Variants in N4BP2 observed in about 807,000 individuals in gnomAD.
N4BP2 encodes the protein NEDD4 binding protein 2.
N4BP2 carries 91 observed loss-of-function variants against 152.8 expected under a neutral mutation model. The ratio of observed to expected loss-of-function variants is 0.60; its 90% CI spans 0.50 to 0.71. The LOEUF is 0.71. Among genes scored for constraint, N4BP2 ranks in the 30% least tolerant of loss-of-function variants. N4BP2 has a pLI of 0.00. For missense variants in N4BP2, 1,923 were observed against 2,059.1 expected (o/e 0.93, Z 1.28); for synonymous variants, 646 against 705.3 (o/e 0.92, Z 1.33).
At chr4:40,153,765 A>G (rs774317795) in intron 17 of N4BP2, among the ~76,000 whole-genome samples, 1 of 152,196 alleles carries the variant, frequency 6.6e-6, no homozygotes, top group African/African-American at 2.4e-5. Context: ...TTAATTATCT[A>G]TTTTAGAGAC....
chr4:40,143,789 A>G (rs552240861), intron 15 of N4BP2, among the ~76,000 whole-genome samples: 3 of 152,264 alleles, frequency 2.0e-5, no homozygotes, highest in Admixed American at 2.0e-4. Flanking sequence ...TTATCAAAGG[A>G]TACACAAATA....
At chr4:40,134,270 G>C (rs543459121) in intron 13 of N4BP2, among the ~76,000 whole-genome samples, 5 of 152,150 alleles carry the variant, frequency 3.3e-5, no homozygotes, top group Non-Finnish European at 7.3e-5. Flanking sequence ...AAATCTCCCA[G>C]ATGCCAGAGG....
At chr4:40,080,119 G>A (rs1713201027) in intron 2 of N4BP2, among the ~76,000 whole-genome samples, 1 of 151,768 alleles carries the variant, frequency 6.6e-6, no homozygotes, top group Non-Finnish European at 1.5e-5. Context: ...TTTAGGTCAG[G>A]TATGTATATG....
At chr4:40,059,191 T>C (rs1174341366) in intron 1 of N4BP2, among the ~76,000 whole-genome samples, 1 of 152,218 alleles carries the variant, frequency 6.6e-6, no homozygotes, top group Non-Finnish European at 1.5e-5. Context: ...TGATTATGCA[T>C]GTTTTTTGAT....
intron 14 of N4BP2, among the ~76,000 whole-genome samples, chr4:40,138,432 T>C (rs1307813815): frequency 6.6e-6 from 1 of 152,246 alleles, no homozygotes; most frequent in Non-Finnish European, 1.5e-5. Flanking sequence ...TTAAATTTGA[T>C]GTAGTCTAGT....
chr4:40,086,048 C>T (rs1578987721), intron 2 of N4BP2, among the ~76,000 whole-genome samples: 1 of 151,596 alleles, frequency 6.6e-6, no homozygotes, highest in East Asian at 2.0e-4. Context: ...TCACTGCAAC[C>T]TCTCTGCCTG....
chr4:40,118,907 C>G (rs375199579), intron 8 of N4BP2, among the ~76,000 whole-genome samples: 259 of 152,282 alleles, frequency 1.7e-3, no homozygotes, highest in African/African-American at 5.8e-3. Flanking sequence ...GAAGAAACCA[C>G]AGGTCTGAAT....
Position 40,117,869 on chromosome 4 carries a change from G to C in N4BP2, c.1665G>C (p.Arg555Ser). ...CCCTTTTTTCCCCTGGAATTTTCAG[G>C]CGTAACATTCATGGGGTAAGCAAAG... is the stretch of plus-strand genomic sequence containing the variant. Reference protein sequence around the residue: ...WWKFKPKELARRNIHGVSKEK... With the variant: ...WWKFKPKELASRNIHGVSKEK... The change falls in exon 8 of 18, where the codon AGG (arginine) becomes AGC (serine). Residue 555 changes from arginine to serine, a missense_variant and splice_region_variant. Transcript: ENST00000261435. 1 of 1,596,444 alleles carries C rather than the reference G, an allele frequency of 6.3e-7. No homozygotes were observed.
chr4:40,162,516 C>G (rs1225016268), downstream of N4BP2, among the ~76,000 whole-genome samples: 2 of 151,984 alleles, frequency 1.3e-5, no homozygotes, highest in African/African-American at 4.8e-5. Context: ...ATTTGCTACA[C>G]CGATGATACT....
chr4:40,174,539 A>G, the N4BP2 span, among the ~76,000 whole-genome samples: 2 of 151,814 alleles, frequency 1.3e-5, no homozygotes, highest in East Asian at 3.9e-4. Flanking sequence ...GCGGTGGCTC[A>G]CGCCTGTAAT....
At chr4:40,160,356 G>A (rs76121030), downstream of N4BP2, among the ~76,000 whole-genome samples, 20 of 152,314 alleles carry the variant, frequency 1.3e-4, no homozygotes, top group Admixed American at 3.9e-4. Context: ...TGTGAATGCC[G>A]TATGCGTTTA....
chr4:40,105,254 C>T (rs1358499150), intron 4 of N4BP2, among the ~76,000 whole-genome samples: 2 of 151,826 alleles, frequency 1.3e-5, no homozygotes, highest in Non-Finnish European at 2.9e-5. Context: ...GTTTAACAAG[C>T]TCTGATGATG....
intron 14 of N4BP2, among the ~76,000 whole-genome samples, chr4:40,137,955 G>C (rs1224854313): frequency 2.0e-5 from 3 of 152,170 alleles, no homozygotes; most frequent in Non-Finnish European, 4.4e-5. Context: ...TTTCTGGACT[G>C]GTTGGTTTCC....
At chr4:40,114,663 A>G (rs189941883) in intron 7 of N4BP2, among the ~76,000 whole-genome samples, 1 of 152,206 alleles carries the variant, frequency 6.6e-6, no homozygotes, top group Admixed American at 6.5e-5. Context: ...CAGTTTTTTT[A>G]TTCCTTGACT....
the N4BP2 span, among the ~76,000 whole-genome samples, chr4:40,165,493 C>T: frequency 1.3e-5 from 2 of 152,188 alleles, no homozygotes; most frequent in Non-Finnish European, 2.9e-5. Flanking sequence ...AAGTGATCCA[C>T]CTGCTTTGGT....
At chr4:40,141,912 C>T (rs923887910) in intron 14 of N4BP2, among the ~76,000 whole-genome samples, 9 of 152,188 alleles carry the variant, frequency 5.9e-5, no homozygotes, top group African/African-American at 2.2e-4. Context: ...ACAGCGAAAC[C>T]CCGTCTCCAC....
chr4:40,076,580 C>T (rs936654051), intron 2 of N4BP2, among the ~76,000 whole-genome samples: 1 of 152,152 alleles, frequency 6.6e-6, no homozygotes, highest in Non-Finnish European at 1.5e-5. Context: ...GCTCCGCCTC[C>T]TGGGTTCATG....
intron 1 of N4BP2, among the ~76,000 whole-genome samples, chr4:40,064,617 A>C (rs189898354): frequency 1.3e-4 from 20 of 152,154 alleles, no homozygotes; most frequent in African/African-American, 4.3e-4. Flanking sequence ...TAAAACACTT[A>C]TCTGCAAGAT....
At chr4:40,163,290 GC>G in the N4BP2 span, among the ~76,000 whole-genome samples, 914 of 152,250 alleles carry the variant, frequency 6.0e-3, 9 homozygotes, top group African/African-American at 0.02. Context: ...AGGTATTATT[GC>G]CCACATGGCC....
Sources: gnomAD v4.1 joint callset for allele counts (sites outside exome capture counted in the v4.1 genomes callset) on GRCh38, gnomAD v4.1.1 for gene constraint, MANE v1.5 for transcripts, NCBI Gene and HGNC (gene_info 2026-07-23, HGNC 2026-07-21) for gene names.